CYP7B1: variants seen among roughly 807,000 people sequenced by gnomAD.
CYP7B1 encodes cytochrome P450 7B1.
A neutral mutation model predicts 42.7 loss-of-function variants in CYP7B1; 29 were observed. That is an observed-to-expected ratio of 0.68 (90% CI 0.51 to 0.93). The LOEUF is 0.93. Ranked by LOEUF, CYP7B1 falls within the 40% of genes least tolerant of loss-of-function variation. The probability of loss-of-function intolerance (pLI) is 0.00; values close to 1 mark genes in which losing one functional copy is unlikely to be tolerated. For synonymous variants in CYP7B1, 235 were observed against 218.2 expected (o/e 1.08, Z -0.68); for missense variants, 655 against 600.5 (o/e 1.09, Z -0.95).
chr8:64,586,777 A>G (rs1585790057), downstream of CYP7B1, among the ~76,000 whole-genome samples: 1 of 152,186 alleles, frequency 6.6e-6, no homozygotes. Flanking sequence ...ACATCAATTA[A>G]CATTTTTTTG....
intron 1 of CYP7B1, among the ~76,000 whole-genome samples, chr8:64,677,706 GTT>G (rs11435388): frequency 4.6e-5 from 4 of 86,396 alleles, no homozygotes; most frequent in South Asian, 5.0e-4. Flanking sequence ...ACACTCCTTG[GTT>G]TTTTTTTTTT....
chr8:64,738,410 A>G, intron 1 of CYP7B1, among the ~76,000 whole-genome samples: 1 of 152,146 alleles, frequency 6.6e-6, no homozygotes, highest in East Asian at 1.9e-4. Flanking sequence ...GCATTTTCCT[A>G]TAAGAAGCTA....
intron 1 of CYP7B1, among the ~76,000 whole-genome samples, chr8:64,694,478 C>A (rs972850745): frequency 6.6e-6 from 1 of 152,078 alleles, no homozygotes; most frequent in Non-Finnish European, 1.5e-5. Context: ...CTGAAAGGTG[C>A]AGAGGTAGGG....
At chr8:64,641,287 T>A (rs1303953867) in intron 1 of CYP7B1, among the ~76,000 whole-genome samples, 1 of 152,198 alleles carries the variant, frequency 6.6e-6, no homozygotes, top group African/African-American at 2.4e-5. Context: ...ATCTCTAGAA[T>A]TGACTTACAT....
intron 2 of CYP7B1, among the ~76,000 whole-genome samples, chr8:64,621,501 T>C (rs1298168284): frequency 3.3e-5 from 5 of 152,010 alleles, no homozygotes; most frequent in Non-Finnish European, 5.9e-5. Flanking sequence ...AACAGCAAGA[T>C]AAAGAAAACC....
intron 1 of CYP7B1, among the ~76,000 whole-genome samples, chr8:64,764,229 G>GCACCCCCCCCCCCCCCCCCCCCCCCCCCC (rs1554539986): frequency 8.0e-6 from 1 of 125,150 alleles, no homozygotes; most frequent in Non-Finnish European, 1.7e-5. Context: ...CTTCCACGCT[G>GCACCCCCCCCCCCCCCCCCCCCCCCCCCC]CCCCCCCCAC....
At chr8:64,755,867 T>G (rs929222355) in intron 1 of CYP7B1, among the ~76,000 whole-genome samples, 1 of 152,222 alleles carries the variant, frequency 6.6e-6, no homozygotes, top group Middle Eastern at 3.2e-3. Context: ...AGTCAACATT[T>G]CACTTAATTG....
At chr8:64,726,321 T>G (rs550983720) in intron 1 of CYP7B1, among the ~76,000 whole-genome samples, 2 of 152,362 alleles carry the variant, frequency 1.3e-5, no homozygotes, top group Admixed American at 1.3e-4. Flanking sequence ...AGACTGATGA[T>G]GTACGTTGGG....
At chr8:64,685,438 G>A (rs371301497) in intron 1 of CYP7B1, among the ~76,000 whole-genome samples, 1 of 76,678 alleles carries the variant, frequency 1.3e-5, no homozygotes, top group East Asian at 3.2e-4. Flanking sequence ...CTTCCCAGCC[G>A]CCATCACATC....
intron 1 of CYP7B1, among the ~76,000 whole-genome samples, chr8:64,718,123 T>C (rs1321055109): frequency 6.6e-6 from 1 of 152,022 alleles, no homozygotes. Context: ...ATCTAGTATA[T>C]GGCATTTCAA....
At chr8:64,772,467 T>C (rs1468721413) in intron 1 of CYP7B1, among the ~76,000 whole-genome samples, 1 of 152,192 alleles carries the variant, frequency 6.6e-6, no homozygotes, top group African/African-American at 2.4e-5. Context: ...CTGCAGCCAA[T>C]GGCCTTGAGA....
intron 1 of CYP7B1, among the ~76,000 whole-genome samples, chr8:64,795,355 T>C (rs538272101): frequency 1.9e-4 from 29 of 152,236 alleles, no homozygotes; most frequent in Non-Finnish European, 3.2e-4. Flanking sequence ...TCAGTTTCCA[T>C]AAGGAGAGTG....
intron 1 of CYP7B1, among the ~76,000 whole-genome samples, chr8:64,686,205 A>G (rs1806639477): frequency 1.9e-5 from 1 of 53,076 alleles, no homozygotes; most frequent in African/African-American, 7.0e-5. Flanking sequence ...CTGCCCGGCC[A>G]GCCGCCCCGT....
chr8:64,666,865 G>A (rs992042531), intron 1 of CYP7B1, among the ~76,000 whole-genome samples: 6 of 152,216 alleles, frequency 3.9e-5, no homozygotes, highest in African/African-American at 1.4e-4. Context: ...TTAAGGTAGT[G>A]TGATTATTTA....
intron 1 of CYP7B1, among the ~76,000 whole-genome samples, chr8:64,656,724 A>G (rs1806126082): frequency 6.6e-6 from 1 of 152,228 alleles, no homozygotes; most frequent in East Asian, 1.9e-4. Flanking sequence ...CAATTGTGCA[A>G]TCCTTTCAGT....
At chr8:64,692,022 G>A (rs1563393449) in intron 1 of CYP7B1, among the ~76,000 whole-genome samples, 1 of 152,116 alleles carries the variant, frequency 6.6e-6, no homozygotes, top group Non-Finnish European at 1.5e-5. Context: ...GTCCTCTGTG[G>A]CCAAAACATT....
At chr8:64,711,528 A>C (rs1177181812) in intron 1 of CYP7B1, among the ~76,000 whole-genome samples, 1 of 152,166 alleles carries the variant, frequency 6.6e-6, no homozygotes, top group Non-Finnish European at 1.5e-5. Flanking sequence ...CCTGCCTTAA[A>C]GAGGGAAGTC....
chr8:64,668,428 G>T (rs1043217080), intron 1 of CYP7B1, among the ~76,000 whole-genome samples: 4 of 151,816 alleles, frequency 2.6e-5, no homozygotes, highest in African/African-American at 9.7e-5. Flanking sequence ...TTTTTAGCAG[G>T]TTTACATATC....
chr8:64,751,720 G>A (rs1807728386), intron 1 of CYP7B1, among the ~76,000 whole-genome samples: 1 of 152,090 alleles, frequency 6.6e-6, no homozygotes, highest in African/African-American at 2.4e-5. Context: ...GACAGTATAT[G>A]GGAGTGCTTA....
Sources: allele counts gnomAD v4.1 joint callset (sites outside exome capture counted in the v4.1 genomes callset), GRCh38; gene constraint gnomAD v4.1.1; transcripts MANE v1.5; gene names NCBI Gene and HGNC (gene_info 2026-07-23, HGNC 2026-07-21).